Variants in OSBPL8 observed in about 807,000 individuals in gnomAD.
OSBPL8 encodes oxysterol binding protein like 8.
OSBPL8 carries 59 observed loss-of-function variants against 125.5 expected under a neutral mutation model. The ratio of observed to expected loss-of-function variants is 0.47; its 90% CI spans 0.38 to 0.58. The LOEUF (loss-of-function observed/expected upper bound fraction) is 0.58. Ranked by LOEUF, OSBPL8 falls within the 20% of genes least tolerant of loss-of-function variation. The pLI, the probability that OSBPL8 is intolerant of heterozygous loss-of-function variation, is 0.00. For synonymous variants in OSBPL8, 330 were observed against 338.9 expected (o/e 0.97, Z 0.29); for missense variants, 758 against 1,047.8 (o/e 0.72, Z 3.82).
Position 76,410,645 on chromosome 12 carries a change from T to A in OSBPL8, c.218-11A>T, listed in dbSNP as rs144903588. ...TCCCTCTTTCAAAACCTTAAAAAAA[T>A]AGTCAGCATATCAGTATTACTACTT... On this transcript the variant is annotated splice_polypyrimidine_tract_variant and intron_variant, in intron 4 of 23. Coordinates refer to ENST00000261183, the MANE Select transcript of OSBPL8 (RefSeq NM_020841.5). 1 of 1,549,488 alleles carries A rather than the reference T, an allele frequency of 6.5e-7. No homozygotes were observed. Among genetic ancestry groups the A allele is most frequent in the Admixed American group, 1.7e-5 (1 of 59,720 alleles).
chr12:76,380,452 G>A lies in OSBPL8; in HGVS notation c.1631-1902C>T, dbSNP rs145895081. On this transcript the variant is annotated intron_variant, in intron 15 of 23. Transcript: ENST00000261183. Reference sequence around the variant, plus strand: ...ATGGTGATGTGTGCCTGTAATCCCAGCTACTCAGGAGGCTGAGGTGAGAGG... The same window carrying A: ...ATGGTGATGTGTGCCTGTAATCCCAACTACTCAGGAGGCTGAGGTGAGAGG... Among the ~76,000 whole-genome samples the A allele has an allele frequency of 6.1e-3, 865 of 141,856 alleles. 7 individuals carry two copies. Among genetic ancestry groups the A allele is most frequent in the Non-Finnish European group, 9.5e-3 (634 of 66,840 alleles). The allele number at this position is 141,856 out of a possible 152,430, so 93.1% of individuals were successfully genotyped here.
intron 3 of OSBPL8, among the ~76,000 whole-genome samples, chr12:76,456,184 TA>T (rs976235529): frequency 6.6e-6 from 1 of 152,224 alleles, no homozygotes; most frequent in Admixed American, 6.5e-5. Flanking sequence ...AGTAATTTTT[TA>T]AAGTCATAAA....
intron 2 of OSBPL8, among the ~76,000 whole-genome samples, chr12:76,471,610 A>G (rs1441969135): frequency 2.6e-5 from 4 of 152,210 alleles, no homozygotes; most frequent in African/African-American, 9.6e-5. Flanking sequence ...AGCCTTCTAA[A>G]GTTGTTCAAC....
chr12:76,469,824 C>T (rs35776842), intron 2 of OSBPL8, among the ~76,000 whole-genome samples: 30,973 of 151,928 alleles, frequency 0.2, 3,407 homozygotes, highest in Non-Finnish European at 0.26. Flanking sequence ...ATTTTGTTCA[C>T]TGCTATATTC....
intron 5 of OSBPL8, among the ~76,000 whole-genome samples, chr12:76,408,739 T>C (rs1954383370): frequency 6.6e-6 from 1 of 152,168 alleles, no homozygotes; most frequent in Non-Finnish European, 1.5e-5. Flanking sequence ...GATCCACATA[T>C]GACTAGATGC....
chr12:76,502,931 T>C (rs180985577), intron 1 of OSBPL8, among the ~76,000 whole-genome samples: 14 of 152,380 alleles, frequency 9.2e-5, no homozygotes, highest in Admixed American at 7.8e-4. Context: ...TCCTCTCTTA[T>C]TGCTTTATCA....
chr12:76,443,803 G>A (rs562663642), intron 4 of OSBPL8, among the ~76,000 whole-genome samples: 6 of 152,034 alleles, frequency 3.9e-5, no homozygotes, highest in African/African-American at 1.5e-4. Flanking sequence ...CACTGCACCC[G>A]GCCCTTACAT....
intron 18 of OSBPL8, among the ~76,000 whole-genome samples, chr12:76,373,069 T>G (rs947241646): frequency 6.6e-6 from 1 of 152,218 alleles, no homozygotes; most frequent in African/African-American, 2.4e-5. Context: ...GTTATAAATA[T>G]TAAATCAGTT....
intron 1 of OSBPL8, among the ~76,000 whole-genome samples, chr12:76,541,058 T>C (rs1950628946): frequency 6.6e-6 from 1 of 152,172 alleles, no homozygotes; most frequent in South Asian, 2.1e-4. Flanking sequence ...ACGGCTACTA[T>C]CCCTAGTGCC....
At chr12:76,390,681 G>A (rs1953521737) in intron 10 of OSBPL8, 24 bp from the exon 11 acceptor site, 6 of 1,426,488 alleles carry the variant, frequency 4.2e-6, no homozygotes, top group Middle Eastern at 1.8e-4. Flanking sequence ...ATTTTTAGGA[G>A]GAAGAATCAA....
At chr12:76,517,063 C>T (rs1881617810) in intron 1 of OSBPL8, among the ~76,000 whole-genome samples, 1 of 152,196 alleles carries the variant, frequency 6.6e-6, no homozygotes, top group Non-Finnish European at 1.5e-5. Context: ...ATCTGCCTGC[C>T]TCAGCCTCCC....
intron 1 of OSBPL8, among the ~76,000 whole-genome samples, chr12:76,495,183 C>T (rs1199297550): frequency 6.6e-6 from 1 of 152,166 alleles, no homozygotes; most frequent in Non-Finnish European, 1.5e-5. Context: ...ACTAGTATTA[C>T]CTGCCTCAAT....
chr12:76,536,165 GT>G (rs1343352463), intron 1 of OSBPL8, among the ~76,000 whole-genome samples: 1 of 151,844 alleles, frequency 6.6e-6, no homozygotes, highest in Non-Finnish European at 1.5e-5. Context: ...AAGTAACAAT[GT>G]TTAAAATCAG....
At chr12:76,492,107 G>C (rs956062313) in intron 1 of OSBPL8, among the ~76,000 whole-genome samples, 1 of 151,916 alleles carries the variant, frequency 6.6e-6, no homozygotes, top group African/African-American at 2.4e-5. Flanking sequence ...AAGTGCTATA[G>C]GAAAAAGTAA....
At chr12:76,439,911 C>G (rs1871974926) in intron 4 of OSBPL8, among the ~76,000 whole-genome samples, 1 of 152,084 alleles carries the variant, frequency 6.6e-6, no homozygotes, top group Admixed American at 6.6e-5. Context: ...TACAAACAAC[C>G]ATCATCTTTC....
intron 1 of OSBPL8, among the ~76,000 whole-genome samples, chr12:76,530,051 AT>A (rs1015714301): frequency 1.3e-5 from 2 of 151,410 alleles, no homozygotes; most frequent in Non-Finnish European, 2.9e-5. Context: ...AGATTTCCAC[AT>A]TTTTTTTCTT....
chr12:76,540,679 T>C (rs1468320986), intron 1 of OSBPL8, among the ~76,000 whole-genome samples: 2 of 151,210 alleles, frequency 1.3e-5, no homozygotes, highest in Admixed American at 6.6e-5. Flanking sequence ...TCATATTTTT[T>C]CTTTAAAAAA....
chr12:76,492,401 G>C (rs1014974194), intron 1 of OSBPL8, among the ~76,000 whole-genome samples: 2 of 152,208 alleles, frequency 1.3e-5, no homozygotes, highest in Non-Finnish European at 2.9e-5. Flanking sequence ...CAAAGTATAA[G>C]TAGATCATAT....
intron 9 of OSBPL8, among the ~76,000 whole-genome samples, chr12:76,393,841 G>A (rs1197612544): frequency 6.6e-6 from 1 of 151,698 alleles, no homozygotes; most frequent in Non-Finnish European, 1.5e-5. Context: ...GGCCAACATG[G>A]TGAAACCGTC....
Sources: gnomAD v4.1 joint callset for allele counts (sites outside exome capture counted in the v4.1 genomes callset) on GRCh38, gnomAD v4.1.1 for gene constraint, MANE v1.5 for transcripts, NCBI Gene and HGNC (gene_info 2026-07-23, HGNC 2026-07-21) for gene names.